The following TRAF3 variants were observed in gnomAD, a reference collection of about 807,000 sequenced individuals.
The protein encoded by TRAF3 is TNF receptor associated factor 3.
TRAF3 carries 13 observed loss-of-function variants against 62.3 expected under a neutral mutation model. The observed-to-expected ratio is 0.21, with a 90% CI of 0.14 to 0.33. The LOEUF is 0.33. TRAF3 is among the 10% of genes least tolerant of loss of function. The pLI, the probability that TRAF3 is intolerant of heterozygous loss-of-function variation, is 1.00. For missense variants in TRAF3, 440 were observed against 741.8 expected, an observed-to-expected ratio of 0.59 and a Z score of 4.73; for synonymous variants, 269 against 283.4, an observed-to-expected ratio of 0.95 and a Z score of 0.51.
intron 6 of TRAF3, among the ~76,000 whole-genome samples, chr14:102,885,079 GC>G (rs1483024562): frequency 3.3e-5 from 5 of 152,134 alleles, no homozygotes; most frequent in African/African-American, 1.2e-4. Context: ...CAGCCTCCCT[GC>G]CCTGAGCCCC....
intron 1 of TRAF3, among the ~76,000 whole-genome samples, chr14:102,820,622 T>A (rs1182961329): frequency 1.7e-3 from 95 of 54,804 alleles, no homozygotes; most frequent in African/African-American, 5.2e-3. Flanking sequence ...ATATTTTTTT[T>A]TTTTTTTTTT....
chr14:102,779,363 C>T lies in TRAF3; in HGVS notation c.-157+1688C>T, dbSNP rs995222498. Among the ~76,000 whole-genome samples the T allele has an allele frequency of 2.7e-5, 4 of 145,654 alleles. No individual in the cohort carries two copies. The Admixed American group carries it at 2.9e-4, about 11-fold the overall frequency. On this transcript the variant is annotated intron_variant, in intron 1 of 11. Transcript: ENST00000392745. Reference sequence around the variant, plus strand: ...CCAATTATTTTCCTTGGATGCTGTCCCTTCTTTTGGAATTAATAAGATGGC... The same window carrying T: ...CCAATTATTTTCCTTGGATGCTGTCTCTTCTTTTGGAATTAATAAGATGGC...
chr14:102,895,180 C>T (rs1185637538), intron 9 of TRAF3: 5 of 452,094 alleles, frequency 1.1e-5, no homozygotes, highest in Non-Finnish European at 2.2e-5. Flanking sequence ...CTGCATATGG[C>T]CCGCTCCACA....
At chr14:102,896,433 T>C (rs908515063) in intron 9 of TRAF3, among the ~76,000 whole-genome samples, 1 of 152,136 alleles carries the variant, frequency 6.6e-6, no homozygotes, top group African/African-American at 2.4e-5. Context: ...TTATTTCAGT[T>C]AGCATAACAT....
chr14:102,899,993 C>T (rs936335827), intron 10 of TRAF3, among the ~76,000 whole-genome samples: 1 of 141,868 alleles, frequency 7.0e-6, no homozygotes, highest in Non-Finnish European at 1.5e-5. Context: ...TCCTGGCTAA[C>T]ACGGTGAAAC....
At position 102,876,519 on chromosome 14, in the gene TRAF3, G is replaced by A. The variant is rs1266755441; in HGVS notation, c.564G>A (p.Ala188=). The A allele has an allele frequency of 2.5e-6, 4 of 1,613,320 alleles. No homozygotes were observed. Among genetic ancestry groups the A allele is most frequent in the East Asian group, 2.2e-5 (1 of 44,876 alleles). ...SHCKSQVPMI[A]LQKHEDTDCP... ...GCAAGAGTCAGGTTCCGATGATCGCGCTGCAGGTGCGGGTCCTCCCATTCC... is the reference window on the plus strand; with the variant it reads ...GCAAGAGTCAGGTTCCGATGATCGCACTGCAGGTGCGGGTCCTCCCATTCC... Residue 188 remains alanine (A), a synonymous_variant, in exon 6 of 12, where the codon GCG becomes GCA. Coordinates refer to ENST00000392745, the MANE Select transcript of TRAF3 (RefSeq NM_145725.3).
chr14:102,813,938 T>TTTGC (rs1295327054), intron 1 of TRAF3, among the ~76,000 whole-genome samples: 1 of 152,214 alleles, frequency 6.6e-6, no homozygotes, highest in African/African-American at 2.4e-5. Context: ...TTCATTTATG[T>TTTGC]TTGCTTTTGT....
intron 6 of TRAF3, among the ~76,000 whole-genome samples, chr14:102,884,987 CTTG>C (rs898574617): frequency 2.6e-5 from 4 of 152,116 alleles, no homozygotes; most frequent in Non-Finnish European, 5.9e-5. Context: ...CTGGTGTGGG[CTTG>C]TTGAAAGTCG....
intron 6 of TRAF3, among the ~76,000 whole-genome samples, chr14:102,883,459 G>A (rs1889182888): frequency 6.6e-6 from 1 of 152,202 alleles, no homozygotes; most frequent in Non-Finnish European, 1.5e-5. Flanking sequence ...GTTTTAATGG[G>A]TACTCCTTGT....
intron 2 of TRAF3, chr14:102,866,058 GAA>G (rs1887971363): frequency 6.6e-6 from 1 of 152,182 alleles, no homozygotes; most frequent in African/African-American, 2.4e-5. Flanking sequence ...ACTGGATAAA[GAA>G]AATGTGGCAC....
chr14:102,826,360 T>C lies in TRAF3; in HGVS notation c.-156-3974T>C, dbSNP rs1900312248. On this transcript the variant is annotated intron_variant, in intron 1 of 11. Transcript: ENST00000392745. The surrounding 1 kb of genome is among the most constrained non-coding windows in gnomAD (Gnocchi z 4.6). ...GGAATGTGGCAGCAGAAGGAACACG[T>C]TGAGCACCGCAGATACCACCCTGAC... 6.6e-6 allele frequency among the ~76,000 whole-genome samples: 1 copy of C among 152,192 alleles called. No homozygotes were observed. Among genetic ancestry groups the C allele is most frequent in the Non-Finnish European group, 1.5e-5 (1 of 68,034 alleles).
In TRAF3 at chr14:102,886,059, T is replaced by C. The variant is rs1249305130; in HGVS notation, c.571-130T>C. 2.3e-5 allele frequency: 17 copies of C among 747,656 alleles called. No homozygotes were observed. In the African/African-American group the frequency reaches 3.0e-4, roughly 13 times the overall value. The allele number at this position is 747,656 out of a possible 1,614,324, so 46.3% of individuals were successfully genotyped here. Reference sequence around the variant, plus strand: ...ACAATAATGACTCAGCCATACGTAATGTGAGTGCCATAACTTAGAGGACAG... The same window carrying C: ...ACAATAATGACTCAGCCATACGTAACGTGAGTGCCATAACTTAGAGGACAG... On this transcript the variant is annotated intron_variant, in intron 6 of 11. Transcript: ENST00000392745.
chr14:102,872,002 A>G (rs200184820), intron 4 of TRAF3, 34 bp downstream of exon 4: 109 of 1,604,002 alleles, frequency 6.8e-5, no homozygotes, highest in Non-Finnish European at 8.7e-5. Context: ...ATTTTGTCAC[A>G]TGTTTTCAGC....
In TRAF3 at chr14:102,846,279, G is replaced by A. The variant is rs1331983869; in HGVS notation, c.-18+15807G>A. On this transcript the variant is annotated intron_variant, in intron 2 of 11. Transcript: ENST00000392745. ...TGCTCCAAAGCAGAGACCACCCTCG[G>A]GGATGAGAATGGATAACTAAATTAT... Among the ~76,000 whole-genome samples, 5 of 152,084 alleles carry A rather than the reference G, an allele frequency of 3.3e-5. No homozygotes were observed. In the East Asian group the frequency reaches 9.7e-4, roughly 29 times the overall value.
chr14:102,863,859 TC>T (rs1887818865), intron 2 of TRAF3, among the ~76,000 whole-genome samples: 1 of 152,152 alleles, frequency 6.6e-6, no homozygotes. Flanking sequence ...GAGCCAGTCT[TC>T]CAGGGACTCA....
chr14:102,779,175 TTAA>T (rs1897165930), intron 1 of TRAF3, among the ~76,000 whole-genome samples: 1 of 151,574 alleles, frequency 6.6e-6, no homozygotes, highest in Admixed American at 6.6e-5. Flanking sequence ...TGGATAAGGG[TTAA>T]GATGTAAGGT....
chr14:102,794,680 A>G (rs1197010155), intron 1 of TRAF3, among the ~76,000 whole-genome samples: 1 of 152,220 alleles, frequency 6.6e-6, no homozygotes, highest in East Asian at 1.9e-4. Context: ...TAGTGCTCTC[A>G]GTAATATATG....
chr14:102,894,124 C>T (rs527983394), intron 9 of TRAF3, among the ~76,000 whole-genome samples: 2 of 152,124 alleles, frequency 1.3e-5, no homozygotes, highest in East Asian at 1.9e-4. Context: ...CTCGGGAGTT[C>T]GAGACCAGCC....
chr14:102,800,050 G>C, intron 1 of TRAF3, among the ~76,000 whole-genome samples: 1 of 152,132 alleles, frequency 6.6e-6, no homozygotes, highest in Admixed American at 6.5e-5. Context: ...CTTGCGGGCT[G>C]CCTTCTCAGA....
Sources: allele counts gnomAD v4.1 joint callset (sites outside exome capture counted in the v4.1 genomes callset), GRCh38; gene constraint gnomAD v4.1.1; non-coding constraint Gnocchi (gnomAD v3.1); transcripts MANE v1.5; gene names NCBI Gene and HGNC (gene_info 2026-07-23, HGNC 2026-07-21).